SPRY3: variants seen among roughly 807,000 people sequenced by gnomAD.
SPRY3 encodes the protein protein sprouty homolog 3.
A neutral mutation model predicts 20.2 loss-of-function variants in SPRY3; 15 were observed. The observed-to-expected ratio is 0.74, with a 90% CI of 0.50 to 1.14. SPRY3 has a LOEUF of 1.14. SPRY3 is among the 50% of genes most tolerant of loss of function. The pLI is 0.00. For synonymous variants in SPRY3, 143 were observed against 136.5 expected, an observed-to-expected ratio of 1.05 and a Z score of -0.33; for missense variants, 364 against 363.9, an observed-to-expected ratio of 1.00 and a Z score of 0.00.
intron 2 of SPRY3, among the ~76,000 whole-genome samples, chrX:155,764,352 T>G (rs910373431): frequency 1.7e-4 from 26 of 152,200 alleles, no homozygotes; most frequent in African/African-American, 6.3e-4. Flanking sequence ...CTAACAAGTT[T>G]GTAAAAGAAG....
At chrX:155,716,114 G>T (rs1230111381) in intron 2 of SPRY3, among the ~76,000 whole-genome samples, 1 of 152,106 alleles carries the variant, frequency 6.6e-6, no homozygotes, top group Admixed American at 6.6e-5. Context: ...CCAGCAGGGG[G>T]GATGAACAGT....
intron 1 of SPRY3, among the ~76,000 whole-genome samples, chrX:155,618,105 C>T (rs140163488): frequency 0.012 from 1,399 of 111,944 alleles, 16 homozygotes; most frequent in Non-Finnish European, 0.014. Context: ...TGTATAATGA[C>T]GACCACAATT....
chrX:155,754,422 G>A (rs2091275800), intron 2 of SPRY3, among the ~76,000 whole-genome samples: 1 of 151,932 alleles, frequency 6.6e-6, no homozygotes, highest in African/African-American at 2.4e-5. Flanking sequence ...TTTATTTCTG[G>A]ACTCTCAATT....
At chrX:155,741,704 C>T (rs1172972353) in intron 2 of SPRY3, among the ~76,000 whole-genome samples, 1 of 152,088 alleles carries the variant, frequency 6.6e-6, no homozygotes, top group Admixed American at 6.6e-5. Flanking sequence ...ATTCAACGTT[C>T]TTAAAAAAAG....
exon 4 of SPRY3, chrX:155,774,457 T>C: frequency 6.2e-7 from 1 of 1,614,028 alleles, no homozygotes; most frequent in South Asian, 1.1e-5. Flanking sequence ...GGGCCTCTTC[T>C]ACCACTGCTC....
intron 2 of SPRY3, among the ~76,000 whole-genome samples, chrX:155,661,281 T>C (rs1292231445): frequency 8.9e-6 from 1 of 111,889 alleles, no homozygotes; most frequent in Admixed American, 9.5e-5. Context: ...TTCTTCTTCA[T>C]TTATGAAGCT....
intron 2 of SPRY3, among the ~76,000 whole-genome samples, chrX:155,694,948 C>G (rs901676859): frequency 5.4e-5 from 6 of 111,545 alleles, no homozygotes; most frequent in African/African-American, 2.0e-4. Flanking sequence ...AGGCCACAGA[C>G]TGGTACTGCT....
At chrX:155,658,527 T>C (rs1203217001) in intron 2 of SPRY3, among the ~76,000 whole-genome samples, 1 of 112,280 alleles carries the variant, frequency 8.9e-6, no homozygotes, top group Non-Finnish European at 1.9e-5. Context: ...TTTTTGTACA[T>C]TGATTTTGTA....
chrX:155,774,720 C>T (rs1284128710), exon 4 of SPRY3: 3 of 1,612,476 alleles, frequency 1.9e-6, no homozygotes, highest in Non-Finnish European at 2.5e-6. Flanking sequence ...TCCCCAAGGC[C>T]CAGGAAAAGT....
At chrX:155,769,842 G>A (rs1484924780) in intron 3 of SPRY3, among the ~76,000 whole-genome samples, 1 of 152,192 alleles carries the variant, frequency 6.6e-6, no homozygotes, top group Non-Finnish European at 1.5e-5. Flanking sequence ...GTAGGAGGGA[G>A]GCCCAGTCAG....
chrX:155,633,775 A>T (rs1368707826), intron 1 of SPRY3, among the ~76,000 whole-genome samples: 1 of 112,003 alleles, frequency 8.9e-6, no homozygotes, highest in African/African-American at 3.3e-5. Flanking sequence ...GAGTAGACAC[A>T]TTCAGACAGT....
downstream of SPRY3, chrX:155,780,094 T>TA: frequency 6.0e-6 from 1 of 166,998 alleles, no homozygotes; most frequent in Non-Finnish European, 1.5e-5. Context: ...GTCATTACAA[T>TA]CCAAGTTATA....
intron 2 of SPRY3, among the ~76,000 whole-genome samples, chrX:155,764,146 G>C (rs1261887119): frequency 6.6e-6 from 1 of 152,092 alleles, no homozygotes; most frequent in Admixed American, 6.5e-5. Context: ...TGTCAGCAAG[G>C]TGCCTTAAAA....
chrX:155,726,119 T>C (rs982412992), intron 2 of SPRY3, among the ~76,000 whole-genome samples: 1 of 152,198 alleles, frequency 6.6e-6, no homozygotes, highest in Non-Finnish European at 1.5e-5. Flanking sequence ...TTCCATGTTG[T>C]TGTGCAGTTT....
At chrX:155,680,191 T>TGTGTGTGTGTGTGTG (rs2068070083) in intron 2 of SPRY3, among the ~76,000 whole-genome samples, 23 of 83,600 alleles carry the variant, frequency 2.8e-4, no homozygotes, top group South Asian at 1.1e-3. Flanking sequence ...TGTGTGTGTG[T>TGTGTGTGTGTGTGTG]TTGAGGGAGA....
intron 1 of SPRY3, among the ~76,000 whole-genome samples, chrX:155,650,207 G>A (rs1423338827): frequency 9.0e-6 from 1 of 111,390 alleles, no homozygotes; most frequent in Non-Finnish European, 1.9e-5. Flanking sequence ...TAGATTCAAT[G>A]CTATCCTCAT....
chrX:155,622,576 A>G (rs1313534820), intron 1 of SPRY3, among the ~76,000 whole-genome samples: 3 of 112,232 alleles, frequency 2.7e-5, no homozygotes, highest in African/African-American at 9.7e-5. Flanking sequence ...CTACAGGCTG[A>G]AAATGCTGCA....
chrX:155,730,428 A>G (rs2091125420), intron 2 of SPRY3, among the ~76,000 whole-genome samples: 1 of 152,186 alleles, frequency 6.6e-6, no homozygotes, highest in South Asian at 2.1e-4. Context: ...AGAATGGAGG[A>G]CAAAAACCAT....
At chrX:155,729,991 T>G (rs2091122893) in intron 2 of SPRY3, among the ~76,000 whole-genome samples, 1 of 152,126 alleles carries the variant, frequency 6.6e-6, no homozygotes, top group Non-Finnish European at 1.5e-5. Context: ...TACAACCTAC[T>G]AAGATTGAAC....
Sources: gnomAD v4.1 joint callset for allele counts (sites outside exome capture counted in the v4.1 genomes callset) on GRCh38, gnomAD v4.1.1 for gene constraint, MANE v1.5 for transcripts, NCBI Gene and HGNC (gene_info 2026-07-23, HGNC 2026-07-21) for gene names.